The following KIAA0825 variants were observed in gnomAD, a reference collection of about 807,000 sequenced individuals.
KIAA0825 encodes the protein uncharacterized protein KIAA0825.
In KIAA0825, 119 loss-of-function variants were observed where a neutral mutation model predicts 147.6. That is an observed-to-expected ratio of 0.81 (90% CI 0.69 to 0.94). The LOEUF is 0.94. KIAA0825 is among the 40% of genes least tolerant of loss of function. The pLI is 0.00. For missense variants in KIAA0825, 1,381 were observed against 1,472.7 expected, an observed-to-expected ratio of 0.94 and a Z score of 1.02; for synonymous variants, 470 against 518.1, an observed-to-expected ratio of 0.91 and a Z score of 1.26.
intron 2 of KIAA0825, among the ~76,000 whole-genome samples, chr5:94,552,421 T>C (rs1775722493): frequency 6.6e-6 from 1 of 152,142 alleles, no homozygotes; most frequent in Non-Finnish European, 1.5e-5. Flanking sequence ...CTAATAGATA[T>C]GTACAGAAAA....
At chr5:94,516,950 A>G (rs1767365021) in intron 5 of KIAA0825, among the ~76,000 whole-genome samples, 1 of 152,018 alleles carries the variant, frequency 6.6e-6, no homozygotes, top group Non-Finnish European at 1.5e-5. Flanking sequence ...AAAATACAAA[A>G]TTAACCGGGC....
At chr5:94,310,642 A>G (rs1464764749) in intron 20 of KIAA0825, among the ~76,000 whole-genome samples, 2 of 151,668 alleles carry the variant, frequency 1.3e-5, no homozygotes, top group Non-Finnish European at 3.0e-5. Context: ...AAGTAATTTT[A>G]TCTACAACAA....
At chr5:94,452,763 A>C (rs1758578275) in intron 13 of KIAA0825, among the ~76,000 whole-genome samples, 196 bp downstream of exon 13, 1 of 152,228 alleles carries the variant, frequency 6.6e-6, no homozygotes, top group Non-Finnish European at 1.5e-5. Flanking sequence ...AGCTAGTAGA[A>C]TAATTATGAG....
intron 17 of KIAA0825, among the ~76,000 whole-genome samples, chr5:94,395,265 T>G (rs1184272728): frequency 6.6e-6 from 1 of 152,176 alleles, no homozygotes; most frequent in Non-Finnish European, 1.5e-5. Flanking sequence ...AGAGTAACCA[T>G]ATTTCAAGTG....
chr5:94,266,025 G>A (rs1776725084), intron 20 of KIAA0825, among the ~76,000 whole-genome samples: 1 of 152,164 alleles, frequency 6.6e-6, no homozygotes, highest in African/African-American at 2.4e-5. Context: ...TGAGTGGAAG[G>A]CTGAAGTAGC....
chr5:94,267,320 A>G (rs1562341532), intron 20 of KIAA0825, among the ~76,000 whole-genome samples: 1 of 152,160 alleles, frequency 6.6e-6, no homozygotes, highest in Non-Finnish European at 1.5e-5. Context: ...GTGATTATGA[A>G]TTTATAGTGG....
At chr5:94,220,358 T>A (rs1187041673) in intron 20 of KIAA0825, among the ~76,000 whole-genome samples, 1 of 152,128 alleles carries the variant, frequency 6.6e-6, no homozygotes, top group East Asian at 1.9e-4. Context: ...GTTTTACAGT[T>A]AACATTTTTT....
chr5:94,291,858 G>A (rs1025994452), intron 20 of KIAA0825, among the ~76,000 whole-genome samples: 2 of 151,876 alleles, frequency 1.3e-5, no homozygotes, highest in Non-Finnish European at 1.5e-5. Context: ...TAGCTATTTT[G>A]TTCTTTTTGT....
intron 20 of KIAA0825, among the ~76,000 whole-genome samples, chr5:94,351,494 T>C (rs948605379): frequency 2.0e-5 from 3 of 152,154 alleles, no homozygotes; most frequent in African/African-American, 7.2e-5. Flanking sequence ...GAATCAATTT[T>C]GTGAAAGTGA....
At chr5:94,402,580 T>A (rs1200770981) in intron 16 of KIAA0825, among the ~76,000 whole-genome samples, 1 of 151,822 alleles carries the variant, frequency 6.6e-6, no homozygotes, top group East Asian at 2.0e-4. Context: ...AAGGTCACAA[T>A]ATTTAGGATC....
intron 20 of KIAA0825, among the ~76,000 whole-genome samples, chr5:94,334,175 A>G (rs1302065066): frequency 6.6e-6 from 1 of 152,158 alleles, no homozygotes; most frequent in African/African-American, 2.4e-5. Context: ...ACCATAAACT[A>G]TGCTTTTTAA....
At chr5:94,369,406 T>G (rs949947699) in intron 20 of KIAA0825, among the ~76,000 whole-genome samples, 1 of 152,184 alleles carries the variant, frequency 6.6e-6, no homozygotes, top group Non-Finnish European at 1.5e-5. Flanking sequence ...ATACTTTGCC[T>G]TGACATATTT....
intron 9 of KIAA0825, 44 bp downstream of exon 9, chr5:94,471,422 G>C (rs544411947): frequency 6.5e-7 from 1 of 1,527,086 alleles, no homozygotes; most frequent in South Asian, 1.2e-5. Context: ...AAGATTACAC[G>C]TTTCTTTAAG....
At chr5:94,198,415 A>AT (rs76982670) in intron 20 of KIAA0825, among the ~76,000 whole-genome samples, 90 of 146,324 alleles carry the variant, frequency 6.2e-4, no homozygotes, top group Admixed American at 1.3e-3. Context: ...GAGAGTTTAA[A>AT]TTTTTTTTTT....
intron 20 of KIAA0825, among the ~76,000 whole-genome samples, chr5:94,331,314 G>A (rs997345187): frequency 3.3e-5 from 5 of 152,116 alleles, no homozygotes; most frequent in African/African-American, 1.2e-4. Flanking sequence ...AGAACTCTGT[G>A]CACATCAATT....
At chr5:94,591,261 G>C (rs1784302801) in intron 1 of KIAA0825, among the ~76,000 whole-genome samples, 1 of 152,206 alleles carries the variant, frequency 6.6e-6, no homozygotes, top group Non-Finnish European at 1.5e-5. Context: ...ATCCATGGCA[G>C]AGAGTGGAGT....
chr5:94,364,082 G>A (rs1745457784), intron 20 of KIAA0825, among the ~76,000 whole-genome samples: 1 of 151,864 alleles, frequency 6.6e-6, no homozygotes, highest in Admixed American at 6.6e-5. Flanking sequence ...TGCTCTCCAG[G>A]AGCTATCAGT....
chr5:94,280,712 G>A (rs561902467), intron 20 of KIAA0825, among the ~76,000 whole-genome samples: 28 of 151,986 alleles, frequency 1.8e-4, no homozygotes, highest in Non-Finnish European at 2.5e-4. Context: ...AGGTAATGAG[G>A]TAAGGGGCAC....
At chr5:94,443,242 G>A (rs1757310997) in intron 13 of KIAA0825, among the ~76,000 whole-genome samples, 1 of 151,832 alleles carries the variant, frequency 6.6e-6, no homozygotes, top group Admixed American at 6.6e-5. Context: ...AATCTGTGTT[G>A]GGCATATGGA....
Sources: allele counts gnomAD v4.1 joint callset (sites outside exome capture counted in the v4.1 genomes callset), GRCh38; gene constraint gnomAD v4.1.1; transcripts MANE v1.5; gene names NCBI Gene and HGNC (gene_info 2026-07-23, HGNC 2026-07-21).